MYO1D: variants seen among roughly 807,000 people sequenced by gnomAD.
MYO1D encodes the protein unconventional myosin-Id.
Under a neutral mutation model 122.0 loss-of-function variants are expected in MYO1D, and 83 were observed. The observed-to-expected ratio is 0.68, with a 90% CI of 0.57 to 0.82. The LOEUF is 0.82. Among genes scored for constraint, MYO1D ranks in the 40% least tolerant of loss-of-function variants. The pLI is 0.00. For synonymous variants in MYO1D, 464 were observed against 446.9 expected (o/e 1.04, Z -0.48); for missense variants, 1,157 against 1,269.5 (o/e 0.91, Z 1.35).
At chr17:32,762,227 G>C (rs2090008866) in intron 8 of MYO1D, among the ~76,000 whole-genome samples, 1 of 152,072 alleles carries the variant, frequency 6.6e-6, no homozygotes, top group South Asian at 2.1e-4. Flanking sequence ...GAAGGAGAAA[G>C]GGATCAGGAT....
In MYO1D at chr17:32,851,902, C is replaced by T. The variant is rs565384679; in HGVS notation, c.95+24876G>A. On this transcript the variant is annotated intron_variant, in intron 1 of 21. Transcript: ENST00000318217. ...GCAGCCCAGCCCGGTTCCTAACAGA[C>T]CACCGTACCGGTCAGGGGCCTGGGG... is the stretch of plus-strand genomic sequence containing the variant. 4.1e-3 allele frequency among the ~76,000 whole-genome samples: 619 copies of T among 152,326 alleles called. 3 individuals are homozygous for T. The highest frequency in any genetic ancestry group is 6.5e-3 in the Non-Finnish European group (441 of 68,024).
chr17:32,791,130 G>A (rs1351489729), intron 1 of MYO1D, among the ~76,000 whole-genome samples: 1 of 152,126 alleles, frequency 6.6e-6, no homozygotes, highest in African/African-American at 2.4e-5. Context: ...TTGGGAGACT[G>A]AGGTGGGTGG....
chr17:32,853,328 A>G (rs914019599), intron 1 of MYO1D, among the ~76,000 whole-genome samples: 1 of 152,220 alleles, frequency 6.6e-6, no homozygotes, highest in African/African-American at 2.4e-5. Context: ...TGTAAATCTG[A>G]TCAAGTCATT....
At chr17:32,851,487 T>C (rs1423852391) in intron 1 of MYO1D, among the ~76,000 whole-genome samples, 1 of 152,208 alleles carries the variant, frequency 6.6e-6, no homozygotes, top group Non-Finnish European at 1.5e-5. Flanking sequence ...AAATAGTCCA[T>C]ATCCACCTCA....
At chr17:32,520,298 T>A (rs943313945) in intron 21 of MYO1D, among the ~76,000 whole-genome samples, 1 of 151,950 alleles carries the variant, frequency 6.6e-6, no homozygotes, top group Non-Finnish European at 1.5e-5. Context: ...GTGCACAAAG[T>A]CCACACAGAG....
At chr17:32,555,423 A>T (rs945406261) in intron 21 of MYO1D, among the ~76,000 whole-genome samples, 14 of 152,092 alleles carry the variant, frequency 9.2e-5, no homozygotes, top group African/African-American at 3.4e-4. Context: ...AAAAATGTGA[A>T]CAATGGTTTG....
At chr17:32,595,888 T>C (rs2087487228) in intron 21 of MYO1D, among the ~76,000 whole-genome samples, 1 of 151,958 alleles carries the variant, frequency 6.6e-6, no homozygotes, top group Non-Finnish European at 1.5e-5. Context: ...ACAGGGTGAA[T>C]TGCTATTCTC....
intron 20 of MYO1D, among the ~76,000 whole-genome samples, chr17:32,617,055 C>T (rs2087779846): frequency 6.6e-6 from 1 of 152,278 alleles, no homozygotes; most frequent in African/African-American, 2.4e-5. Flanking sequence ...GTGGCGCATG[C>T]CTGTAGTTCC....
chr17:32,780,893 T>G, intron 1 of MYO1D, 109 bp from the exon 2 acceptor site: 1 of 1,069,246 alleles, frequency 9.4e-7, no homozygotes, highest in Non-Finnish European at 1.4e-6. Context: ...CTAGGAATGA[T>G]TTCTGAACTG....
chr17:32,509,682 A>G (rs1191055567), intron 21 of MYO1D, among the ~76,000 whole-genome samples: 14 of 151,564 alleles, frequency 9.2e-5, no homozygotes, highest in African/African-American at 3.4e-4. Flanking sequence ...TCCGCCTCCC[A>G]GGTTCAGGCA....
intron 14 of MYO1D, among the ~76,000 whole-genome samples, chr17:32,725,041 G>A (rs2150994275): frequency 6.6e-6 from 1 of 152,318 alleles, no homozygotes; most frequent in East Asian, 1.9e-4. Context: ...AGACACTGGA[G>A]TTATCAGATA....
chr17:32,812,698 C>T (rs2090582529), intron 1 of MYO1D, among the ~76,000 whole-genome samples: 1 of 152,172 alleles, frequency 6.6e-6, no homozygotes, highest in South Asian at 2.1e-4. Flanking sequence ...GAGAGGACTG[C>T]AGAAGTTCCA....
chr17:32,757,362 G>A (rs1213370496), intron 10 of MYO1D, among the ~76,000 whole-genome samples: 1 of 152,100 alleles, frequency 6.6e-6, no homozygotes, highest in Admixed American at 6.6e-5. Flanking sequence ...AGTCAAAATG[G>A]GGTAGGGGTG....
At chr17:32,668,439 G>A (rs1242557540) in intron 16 of MYO1D, among the ~76,000 whole-genome samples, 1 of 152,144 alleles carries the variant, frequency 6.6e-6, no homozygotes, top group Non-Finnish European at 1.5e-5. Context: ...GTATACATTT[G>A]CTTTAGTGGT....
At chr17:32,621,655 C>A (rs1238629169) in intron 20 of MYO1D, among the ~76,000 whole-genome samples, 1 of 152,162 alleles carries the variant, frequency 6.6e-6, no homozygotes, top group Non-Finnish European at 1.5e-5. Context: ...TCCTCATGCC[C>A]CTCCCCAAGC....
chr17:32,667,468 C>T (rs148873793), intron 16 of MYO1D, among the ~76,000 whole-genome samples: 138 of 152,230 alleles, frequency 9.1e-4, no homozygotes, highest in African/African-American at 3.2e-3. Context: ...AAAATTCCTT[C>T]GTTTTACAGA....
At chr17:32,688,140 T>C (rs1035063889) in intron 16 of MYO1D, among the ~76,000 whole-genome samples, 1 of 152,174 alleles carries the variant, frequency 6.6e-6, no homozygotes, top group African/African-American at 2.4e-5. Flanking sequence ...GCGCAACACC[T>C]TTCTGGGAGC....
At chr17:32,782,934 T>TAAAAAAAAAAAAAAATCCTA (rs5819996) in intron 1 of MYO1D, among the ~76,000 whole-genome samples, 17 of 147,176 alleles carry the variant, frequency 1.2e-4, no homozygotes, top group Admixed American at 2.7e-4. Context: ...GACTCCATCT[T>TAAAAAAAAAAAAAAATCCTA]AAAAAAAAAA....
At chr17:32,577,186 G>A (rs2087286673) in intron 21 of MYO1D, among the ~76,000 whole-genome samples, 1 of 146,088 alleles carries the variant, frequency 6.8e-6, no homozygotes, top group African/African-American at 2.5e-5. Context: ...GGGAGGCGGA[G>A]CTTGCAGTGA....
Sources: gnomAD v4.1 joint callset for allele counts (sites outside exome capture counted in the v4.1 genomes callset) on GRCh38, gnomAD v4.1.1 for gene constraint, MANE v1.5 for transcripts, NCBI Gene and HGNC (gene_info 2026-07-23, HGNC 2026-07-21) for gene names.